The following KALRN variants were observed in gnomAD, a reference collection of about 807,000 sequenced individuals.
KALRN encodes the protein kalirin.
Under a neutral mutation model 353.7 loss-of-function variants are expected in KALRN, and 70 were observed. That is an observed-to-expected ratio of 0.20 (90% CI 0.16 to 0.24). The LOEUF (loss-of-function observed/expected upper bound fraction) is 0.24, where lower values mean the gene tolerates loss of function less well. Among genes scored for constraint, KALRN ranks in the 10% least tolerant of loss-of-function variants. KALRN has a pLI of 1.00. For synonymous variants in KALRN, 1,391 were observed against 1,434.8 expected (o/e 0.97, Z 0.69); for missense variants, 2,791 against 3,756.7 (o/e 0.74, Z 6.72).
chr3:124,163,665 T>C (rs2070367693), intron 1 of KALRN: 1 of 984,656 alleles, frequency 1.0e-6, no homozygotes, highest in Non-Finnish European at 1.2e-6. Context: ...GGTAGAAGAA[T>C]AAATGTATAA....
At chr3:124,572,927 C>T (rs1022698734) in intron 34 of KALRN, among the ~76,000 whole-genome samples, 7 of 152,068 alleles carry the variant, frequency 4.6e-5, no homozygotes, top group Admixed American at 6.5e-5. Flanking sequence ...GCCTCAGCTA[C>T]TTGGAGGGTT....
intron 18 of KALRN, 149 bp downstream of exon 18, chr3:124,439,186 CT>C (rs2093584385): frequency 3.7e-6 from 2 of 542,040 alleles, no homozygotes; most frequent in Non-Finnish European, 6.0e-6. Flanking sequence ...CCTTCTTCTC[CT>C]TCTCTCTCTC....
intron 51 of KALRN, among the ~76,000 whole-genome samples, chr3:124,689,929 G>GGGGC (rs879362131): frequency 1.8e-4 from 28 of 152,204 alleles, no homozygotes; most frequent in Non-Finnish European, 3.8e-4. Flanking sequence ...CAGAGACTTA[G>GGGGC]AGGTACCTAC....
chr3:124,687,905 C>T (rs1416400657), intron 51 of KALRN, among the ~76,000 whole-genome samples: 5 of 151,952 alleles, frequency 3.3e-5, no homozygotes, highest in Admixed American at 6.6e-5. Context: ...TAAATGATAA[C>T]GAAAATACTT....
In KALRN at chr3:124,632,448, T is replaced by C; in HGVS notation, c.5211T>C (p.Asn1737=). The change falls in exon 35 of 60, where the codon AAT becomes AAC. Residue 1737 remains asparagine (N), a synonymous_variant. Coordinates refer to ENST00000682506, the MANE Select transcript of KALRN (RefSeq NM_001388419.1). The part of the protein sequence containing the change: ...KDAYSHSSSE[N]GGKSESVANL... ...CATACTCTCATTCCTCAAGCGAGAA[T>C]GGAGGCAAGTCCGAGTCCGTGGCCA... 4 of 1,613,962 alleles carry C rather than the reference T, an allele frequency of 2.5e-6. No individual in the cohort carries two copies. The highest frequency in any genetic ancestry group is 3.4e-6 in the Non-Finnish European group (4 of 1,179,896).
intron 34 of KALRN, among the ~76,000 whole-genome samples, chr3:124,617,702 T>C (rs1210598325): frequency 2.0e-5 from 3 of 152,188 alleles, no homozygotes; most frequent in Non-Finnish European, 2.9e-5. Context: ...CAATAGTTCC[T>C]GATCCACTAG....
In KALRN at chr3:124,691,423, C is replaced by T. The variant is rs866364531; in HGVS notation, c.7378-2381C>T. Reference sequence around the variant, plus strand: ...AGCCCGGGCAAGAAGAGTGAAACTCCGTCTCAAAATAAATAAATAAATTAA... The same window carrying T: ...AGCCCGGGCAAGAAGAGTGAAACTCTGTCTCAAAATAAATAAATAAATTAA... On this transcript the variant is annotated intron_variant, in intron 51 of 59. Coordinates refer to ENST00000682506, the MANE Select transcript of KALRN (RefSeq NM_001388419.1). Among the ~76,000 whole-genome samples, 12 of 152,132 alleles carry T rather than the reference C, an allele frequency of 7.9e-5. No homozygotes were observed. The South Asian group carries it at 1.0e-3, about 13-fold the overall frequency.
intron 51 of KALRN, among the ~76,000 whole-genome samples, chr3:124,684,685 T>C (rs1396576666): frequency 6.6e-6 from 1 of 152,216 alleles, no homozygotes; most frequent in Non-Finnish European, 1.5e-5. Flanking sequence ...CCAGCACTTC[T>C]GACTTTGAAA....
In KALRN at chr3:124,697,714, C is replaced by T. The variant is rs2062119002; in HGVS notation, c.7821C>T (p.Tyr2607=). 5 of 1,577,618 alleles carry T rather than the reference C, an allele frequency of 3.2e-6. No individual in the cohort carries two copies. The South Asian group carries it at 5.9e-5, about 18-fold the overall frequency. The stretch of plus-strand genomic sequence containing the variant: ...CTATTTCTGGTTACACTGTGGAGTA[C>T]AGAGAGGAAGGTGCACTATCTCCTG... ...NCTISGYTVE[Y]REEGSQIWQQ... Residue 2607 remains tyrosine (Y), a synonymous_variant, in exon 55 of 60, where the codon TAC becomes TAT. Transcript: ENST00000682506.
Position 124,469,130 on chromosome 3 carries a change from C to A in KALRN, c.4032-5533C>A, listed in dbSNP as rs573054558. On this transcript the variant is annotated intron_variant, in intron 25 of 59. Coordinates refer to ENST00000682506, the MANE Select transcript of KALRN (RefSeq NM_001388419.1). ...ACATTAAACTTGGTATATATCTATG[C>A]AAATAACTTTATTCATCTGATCACA... Among the ~76,000 whole-genome samples the A allele has an allele frequency of 2.6e-5, 4 of 152,304 alleles. No homozygotes were observed. The East Asian group carries it at 7.7e-4, about 29-fold the overall frequency.
chr3:124,190,765 G>A (rs745916505), intron 1 of KALRN, among the ~76,000 whole-genome samples: 1 of 152,178 alleles, frequency 6.6e-6, no homozygotes, highest in Non-Finnish European at 1.5e-5. Context: ...CACAGAAAAA[G>A]GTGTGGGGAT....
intron 34 of KALRN, among the ~76,000 whole-genome samples, chr3:124,602,659 G>T (rs1458026603): frequency 6.6e-6 from 1 of 152,198 alleles, no homozygotes; most frequent in Admixed American, 6.5e-5. Flanking sequence ...GTCTTAAAGG[G>T]TCAGGAGGGA....
In KALRN at chr3:124,430,657, T is replaced by A; in HGVS notation, c.2711T>A (p.Val904Asp). The A allele has an allele frequency of 1.2e-6, 2 of 1,614,038 alleles. No homozygotes were observed. Among genetic ancestry groups the A allele is most frequent in the Non-Finnish European group, 1.7e-6 (2 of 1,179,920 alleles). Residue 904 changes from valine to aspartate, a missense_variant and splice_region_variant, in exon 16 of 60, where the codon GTT becomes GAT. By Grantham distance (152) the Val-to-Asp change is radical. Transcript: ENST00000682506. The part of the protein sequence containing the change: ...LRHLQAEVKQ[V>D]LGWIRNGESM... ...TGTGTGCTTGTCCCGATTCCCTAGG[T>A]TCTGGGATGGATCCGCAATGGAGAG...
At chr3:124,388,672 A>T (rs571915721) in intron 11 of KALRN, among the ~76,000 whole-genome samples, 82 of 152,302 alleles carry the variant, frequency 5.4e-4, no homozygotes, top group African/African-American at 1.9e-3. Flanking sequence ...AGCTCTCCAG[A>T]TATTGTAAAT....
intron 34 of KALRN, among the ~76,000 whole-genome samples, 170 bp from the exon 35 acceptor site, chr3:124,632,250 G>A (rs1270223427): frequency 6.6e-6 from 1 of 152,186 alleles, no homozygotes. Context: ...AATTGAGTGA[G>A]CGTTTGCCTT....
chr3:124,547,998 G>A (rs768444000), intron 33 of KALRN, among the ~76,000 whole-genome samples: 1 of 152,104 alleles, frequency 6.6e-6, no homozygotes, highest in Non-Finnish European at 1.5e-5. Flanking sequence ...TTTTCCTAAA[G>A]ATAAAAAGAA....
At chr3:124,042,586 A>G (rs889124173) in intron 1 of KALRN, among the ~76,000 whole-genome samples, 8 of 152,100 alleles carry the variant, frequency 5.3e-5, no homozygotes, top group African/African-American at 1.9e-4. Flanking sequence ...TTGGATGTTG[A>G]TGTGTCAAGA....
At chr3:124,462,169 G>A (rs754492663) in intron 24 of KALRN, among the ~76,000 whole-genome samples, 6 of 152,152 alleles carry the variant, frequency 3.9e-5, no homozygotes, top group Non-Finnish European at 8.8e-5. Context: ...TTCTCAGACT[G>A]GAGCTAGACC....
At chr3:124,596,152 T>G (rs567032994) in intron 34 of KALRN, among the ~76,000 whole-genome samples, 2 of 150,222 alleles carry the variant, frequency 1.3e-5, no homozygotes, top group Non-Finnish European at 3.0e-5. Context: ...TTTCATCTCA[T>G]ATTTCATTTC....
Sources: allele counts gnomAD v4.1 joint callset (sites outside exome capture counted in the v4.1 genomes callset), GRCh38; gene constraint gnomAD v4.1.1; transcripts MANE v1.5; gene names NCBI Gene and HGNC (gene_info 2026-07-23, HGNC 2026-07-21).